Variants in CDH13 observed in about 807,000 individuals in gnomAD.
CDH13 encodes the protein cadherin 13, also known as cadherin-13.
Under a neutral mutation model 63.8 loss-of-function variants are expected in CDH13, and 24 were observed. The observed-to-expected ratio is 0.38, with a 90% confidence interval of 0.27 to 0.53. The LOEUF is 0.53. CDH13 is among the 20% of genes least tolerant of loss of function. The probability of loss-of-function intolerance (pLI) is 0.85; values close to 1 mark genes in which losing one functional copy is unlikely to be tolerated. For missense variants in CDH13, 1,049 were observed against 903.1 expected (o/e 1.16, Z -2.07); for synonymous variants, 503 against 355.3 (o/e 1.42, Z -4.67).
rs369123902 is a variant in CDH13 at position 83,388,302 on chromosome 16, A to AAAT, written c.781+43296_781+43297insAAT. The stretch of plus-strand genomic sequence containing the variant: ...TCTCTGGAAAAAAAAAAAAAAAAAA[A>AAAT]TGTTAGCCAGGCATGGTGGTAATGC... On this transcript the variant is annotated intron_variant, in intron 6 of 13. Coordinates refer to ENST00000567109, the MANE Select transcript of CDH13 (RefSeq NM_001257.5). Among the ~76,000 whole-genome samples, 1,050 of 149,792 alleles carry AAAT rather than the reference A, an allele frequency of 7.0e-3. 13 individuals are homozygous for AAAT. Among genetic ancestry groups the AAAT allele is most frequent in the South Asian group, 0.03 (142 of 4,746 alleles).
intron 4 of CDH13, among the ~76,000 whole-genome samples, chr16:83,150,393 T>G (rs1048061919): frequency 2.0e-5 from 3 of 152,214 alleles, no homozygotes; most frequent in Non-Finnish European, 2.9e-5. Context: ...CTTGCTATCA[T>G]TATCTCTGTC....
chr16:83,782,280 G>A (rs1481651956), intron 12 of CDH13, among the ~76,000 whole-genome samples: 1 of 152,122 alleles, frequency 6.6e-6, no homozygotes, highest in Non-Finnish European at 1.5e-5. Context: ...GAATAGGCCA[G>A]CTGGTGCAGC....
chr16:83,466,622 A>C (rs1369316075), intron 6 of CDH13, among the ~76,000 whole-genome samples: 2 of 152,278 alleles, frequency 1.3e-5, no homozygotes, highest in South Asian at 2.1e-4. Flanking sequence ...TGTACAGCTC[A>C]TGTCCCATGG....
At chr16:82,843,142 C>T (rs562709587) in intron 1 of CDH13, among the ~76,000 whole-genome samples, 48 of 152,300 alleles carry the variant, frequency 3.2e-4, no homozygotes, top group Middle Eastern at 6.8e-3. Flanking sequence ...GTTGTGTTTT[C>T]AAAGAAGGTA....
intron 6 of CDH13, among the ~76,000 whole-genome samples, chr16:83,440,461 C>T (rs185646997): frequency 7.8e-4 from 118 of 152,224 alleles, no homozygotes; most frequent in African/African-American, 2.7e-3. Flanking sequence ...GGAGGGGTCT[C>T]TGCAAACGTG....
chr16:83,225,724 TA>T (rs776448269), intron 5 of CDH13, among the ~76,000 whole-genome samples: 3 of 152,186 alleles, frequency 2.0e-5, no homozygotes, highest in Non-Finnish European at 2.9e-5. Context: ...CCAAACCAAT[TA>T]AATCAGGATG....
At chr16:83,201,742 A>AT (rs2039037665) in intron 4 of CDH13, among the ~76,000 whole-genome samples, 1 of 150,772 alleles carries the variant, frequency 6.6e-6, no homozygotes, top group African/African-American at 2.4e-5. Flanking sequence ...ATAAAAAAAA[A>AT]TTAAAAAAAA....
intron 8 of CDH13, among the ~76,000 whole-genome samples, chr16:83,619,712 A>G (rs2150775449): frequency 6.6e-6 from 1 of 152,330 alleles, no homozygotes; most frequent in Admixed American, 6.5e-5. Context: ...TTGCAGAAGG[A>G]CACCAGTCAT....
chr16:83,505,531 CTTTTT>C, intron 7 of CDH13, among the ~76,000 whole-genome samples: 1 of 97,378 alleles, frequency 1.0e-5, no homozygotes, highest in African/African-American at 4.2e-5. Context: ...GTGATTAATC[CTTTTT>C]TTTTTTTTTT....
chr16:83,453,165 A>G (rs2072928258), intron 6 of CDH13, among the ~76,000 whole-genome samples: 1 of 152,238 alleles, frequency 6.6e-6, no homozygotes, highest in Non-Finnish European at 1.5e-5. Flanking sequence ...GAACTAAGCA[A>G]TGAAGATGCA....
chr16:83,063,013 A>C (rs2031700042), intron 3 of CDH13, among the ~76,000 whole-genome samples: 1 of 139,492 alleles, frequency 7.2e-6, no homozygotes, highest in Admixed American at 7.6e-5. Flanking sequence ...CCCAGGCTGG[A>C]GTTCAGGGTG....
At chr16:83,397,552 A>C (rs2091906435) in intron 6 of CDH13, 1 of 152,232 alleles carries the variant, frequency 6.6e-6, no homozygotes, top group African/African-American at 2.4e-5. Context: ...GGAAAACAGC[A>C]TCGTGTATTT....
chr16:82,834,229 T>C (rs1305890102), intron 1 of CDH13, among the ~76,000 whole-genome samples: 1 of 152,160 alleles, frequency 6.6e-6, no homozygotes, highest in Non-Finnish European at 1.5e-5. Flanking sequence ...AATTTAAAGG[T>C]CAACGCCTTG....
chr16:83,020,068 C>T (rs931281961), intron 2 of CDH13, among the ~76,000 whole-genome samples: 4 of 152,238 alleles, frequency 2.6e-5, no homozygotes, highest in African/African-American at 9.6e-5. Context: ...AGGACTTTTT[C>T]AGCTCCGTTA....
chr16:83,400,671 T>C (rs540013182), intron 6 of CDH13, among the ~76,000 whole-genome samples: 1 of 152,190 alleles, frequency 6.6e-6, no homozygotes, highest in South Asian at 2.1e-4. Context: ...CACAGTGGGG[T>C]TGTGATAGAT....
intron 1 of CDH13, among the ~76,000 whole-genome samples, chr16:82,798,062 CT>C (rs2036676211): frequency 6.6e-6 from 1 of 152,094 alleles, no homozygotes; most frequent in Non-Finnish European, 1.5e-5. Flanking sequence ...GGTGAGAAAA[CT>C]TTGATGACTA....
At chr16:83,779,575 C>T (rs1321773403) in intron 11 of CDH13, among the ~76,000 whole-genome samples, 1 of 152,092 alleles carries the variant, frequency 6.6e-6, no homozygotes, top group African/African-American at 2.4e-5. Flanking sequence ...GTGATCACAA[C>T]ACTTTTGGTG....
chr16:83,594,619 C>G (rs2150740855), intron 7 of CDH13, among the ~76,000 whole-genome samples: 1 of 152,252 alleles, frequency 6.6e-6, no homozygotes, highest in Non-Finnish European at 1.5e-5. Flanking sequence ...TCTAGACAAA[C>G]TGTAAAGAGA....
At chr16:83,424,707 G>A (rs1567663367) in intron 6 of CDH13, among the ~76,000 whole-genome samples, 1 of 152,170 alleles carries the variant, frequency 6.6e-6, no homozygotes, top group Non-Finnish European at 1.5e-5. Context: ...AAATGCTCTT[G>A]GAACATTATT....
Sources: gnomAD v4.1 joint callset for allele counts (sites outside exome capture counted in the v4.1 genomes callset) on GRCh38, gnomAD v4.1.1 for gene constraint, MANE v1.5 for transcripts, NCBI Gene and HGNC (gene_info 2026-07-23, HGNC 2026-07-21) for gene names.